The following TCF12 variants were observed in gnomAD, a reference collection of about 807,000 sequenced individuals.
The protein encoded by TCF12 is DNA-binding protein HTF4.
A neutral mutation model predicts 86.0 loss-of-function variants in TCF12; 45 were observed. The observed-to-expected ratio is 0.52, with a 90% confidence interval of 0.41 to 0.67. The LOEUF (loss-of-function observed/expected upper bound fraction) is 0.67, where lower values mean the gene tolerates loss of function less well. TCF12 is among the 30% of genes least tolerant of loss of function. The probability of loss-of-function intolerance (pLI) is 0.00; values close to 1 mark genes in which losing one functional copy is unlikely to be tolerated. For synonymous variants in TCF12, 330 were observed against 299.6 expected, an observed-to-expected ratio of 1.10 and a Z score of -1.05; for missense variants, 881 against 859.9, an observed-to-expected ratio of 1.02 and a Z score of -0.31.
At chr15:57,278,715 C>CCTCTCCCTCCCTCCCCTCT (rs2061524003) in intron 19 of TCF12, 1 of 119,098 alleles carries the variant, frequency 8.4e-6, no homozygotes, top group African/African-American at 3.5e-5. Context: ...TCCCTCCCTC[C>CCTCTCCCTCCCTCCCCTCT]CTCTCCCTCC....
At chr15:56,977,586 G>GAC (rs543244368) in intron 3 of TCF12, among the ~76,000 whole-genome samples, 2 of 147,842 alleles carry the variant, frequency 1.4e-5, no homozygotes, top group South Asian at 2.2e-4. Flanking sequence ...GAGAGAGAGA[G>GAC]ACACACACAC....
chr15:57,087,023 C>T (rs1003907969), intron 4 of TCF12, among the ~76,000 whole-genome samples: 7 of 151,568 alleles, frequency 4.6e-5, no homozygotes, highest in Non-Finnish European at 8.8e-5. Flanking sequence ...CTCTGTCTCC[C>T]TCTGTCTCTT....
chr15:57,176,838 A>T (rs1349600478), intron 6 of TCF12, among the ~76,000 whole-genome samples: 7 of 152,226 alleles, frequency 4.6e-5, no homozygotes, highest in African/African-American at 1.7e-4. Context: ...TGGCACTATA[A>T]GAAAAGGAGG....
intron 8 of TCF12, among the ~76,000 whole-genome samples, chr15:57,220,146 AGTT>A (rs1386704403): frequency 1.3e-5 from 2 of 152,112 alleles, no homozygotes; most frequent in Non-Finnish European, 2.9e-5. Flanking sequence ...TGAGTTTCTG[AGTT>A]GTTATTAGCC....
At chr15:57,197,856 TAAAC>T (rs749175632) in intron 8 of TCF12, 31 bp downstream of exon 8, 22 of 1,606,874 alleles carry the variant, frequency 1.4e-5, no homozygotes, top group Admixed American at 3.4e-5. Flanking sequence ...AACTTGATGG[TAAAC>T]AAACTGATTT....
At chr15:57,241,498 A>G (rs1401483642) in intron 12 of TCF12, among the ~76,000 whole-genome samples, 2 of 152,226 alleles carry the variant, frequency 1.3e-5, no homozygotes, top group Admixed American at 6.5e-5. Context: ...TAGAGTATAC[A>G]GTGTCTAGAT....
chr15:57,052,372 G>T (rs2067691486), intron 3 of TCF12, among the ~76,000 whole-genome samples: 1 of 152,030 alleles, frequency 6.6e-6, no homozygotes, highest in Admixed American at 6.6e-5. Context: ...GCTAGGCCGG[G>T]CGTGGTGGCA....
intron 5 of TCF12, among the ~76,000 whole-genome samples, chr15:57,140,081 T>G (rs1337991006): frequency 2.0e-5 from 3 of 152,106 alleles, no homozygotes; most frequent in Non-Finnish European, 4.4e-5. Flanking sequence ...GAAAGCAAGA[T>G]CTGAAAGAGA....
chr15:57,189,679 T>C (rs2056879212), intron 6 of TCF12, among the ~76,000 whole-genome samples: 1 of 152,212 alleles, frequency 6.6e-6, no homozygotes, highest in South Asian at 2.1e-4. Context: ...AGTTTGGCAG[T>C]TCCTCAAAAA....
intron 5 of TCF12, among the ~76,000 whole-genome samples, chr15:57,115,583 C>T (rs1180973911): frequency 6.6e-6 from 1 of 152,176 alleles, no homozygotes; most frequent in East Asian, 1.9e-4. Context: ...AAAGGTCATA[C>T]TGTCTATTTT....
chr15:57,131,812 C>T (rs1226485450), intron 5 of TCF12, among the ~76,000 whole-genome samples: 1 of 152,140 alleles, frequency 6.6e-6, no homozygotes, highest in Non-Finnish European at 1.5e-5. Context: ...ATAATTTCAT[C>T]TGATAAAGGC....
At chr15:57,041,118 T>A (rs879266041) in intron 3 of TCF12, among the ~76,000 whole-genome samples, 28 of 152,240 alleles carry the variant, frequency 1.8e-4, no homozygotes, top group South Asian at 6.2e-4. Context: ...ATCAGGTACT[T>A]CTTCTACATT....
chr15:57,116,192 G>A (rs2050822896), intron 5 of TCF12, among the ~76,000 whole-genome samples: 1 of 152,112 alleles, frequency 6.6e-6, no homozygotes, highest in South Asian at 2.1e-4. Flanking sequence ...TCCAAAGCCT[G>A]TTTTTAACTA....
chr15:56,969,586 G>A (rs1344446260), intron 3 of TCF12, among the ~76,000 whole-genome samples: 1 of 136,524 alleles, frequency 7.3e-6, no homozygotes, highest in Non-Finnish European at 1.5e-5. Flanking sequence ...CACCCGGACT[G>A]GAGGGCAGTG....
At chr15:56,925,534 T>C (rs767211610) in intron 3 of TCF12, among the ~76,000 whole-genome samples, 1 of 152,208 alleles carries the variant, frequency 6.6e-6, no homozygotes, top group Non-Finnish European at 1.5e-5. Context: ...AATTGGGCAA[T>C]AAACAATGCT....
chr15:57,177,265 A>ATT (rs3985739), intron 6 of TCF12, among the ~76,000 whole-genome samples: 37 of 112,666 alleles, frequency 3.3e-4, no homozygotes, highest in African/African-American at 8.2e-4. Context: ...GCAATAGACA[A>ATT]TTTTTTTTTT....
At chr15:56,956,762 C>T (rs182625767) in intron 3 of TCF12, among the ~76,000 whole-genome samples, 1 of 151,690 alleles carries the variant, frequency 6.6e-6, no homozygotes, top group African/African-American at 2.4e-5. Context: ...ATCTTTATTC[C>T]TCTATATAAA....
intron 5 of TCF12, among the ~76,000 whole-genome samples, chr15:57,100,648 A>T (rs1567422159): frequency 6.6e-6 from 1 of 152,130 alleles, no homozygotes; most frequent in Non-Finnish European, 1.5e-5. Flanking sequence ...ATGGTTTCAT[A>T]TTAAAATTCT....
At chr15:57,168,121 G>A (rs571926911) in intron 6 of TCF12, among the ~76,000 whole-genome samples, 1 of 152,080 alleles carries the variant, frequency 6.6e-6, no homozygotes, top group East Asian at 1.9e-4. Flanking sequence ...AGTCCAGCCT[G>A]GGCAATGTAG....
Sources: allele counts gnomAD v4.1 joint callset (sites outside exome capture counted in the v4.1 genomes callset), GRCh38; gene constraint gnomAD v4.1.1; transcripts MANE v1.5; gene names NCBI Gene and HGNC (gene_info 2026-07-23, HGNC 2026-07-21).